The following ADAM2 variants were observed in gnomAD, a reference collection of about 807,000 sequenced individuals.
ADAM2 encodes disintegrin and metalloproteinase domain-containing protein 2.
ADAM2 carries 101 observed loss-of-function variants against 99.3 expected under a neutral mutation model. The ratio of observed to expected loss-of-function variants is 1.02; its 90% CI spans 0.87 to 1.20. The LOEUF (loss-of-function observed/expected upper bound fraction) is 1.20, where lower values mean the gene tolerates loss of function less well. Ranked by LOEUF, ADAM2 falls within the 50% of genes most tolerant of loss-of-function variation. The pLI is 0.00. For synonymous variants in ADAM2, 323 were observed against 287.6 expected (o/e 1.12, Z -1.25); for missense variants, 948 against 878.7 (o/e 1.08, Z -1.00).
chr8:39,824,691 A>G (rs1805329642), intron 4 of ADAM2, 128 bp downstream of exon 4: 2 of 657,462 alleles, frequency 3.0e-6, no homozygotes. Flanking sequence ...CATCATTAAC[A>G]GGAAAACATT....
chr8:39,829,804 T>G lies in ADAM2; in HGVS notation c.188+4140A>C, dbSNP rs150492965. ...GATGCTATACAGTAATAAAAATGAA[T>G]AGCTTGGAATTACTTGCGACAACAT... is the stretch of plus-strand genomic sequence containing the variant. On this transcript the variant is annotated intron_variant, in intron 3 of 20. Transcript: ENST00000265708. Among the ~76,000 whole-genome samples, 480 of 152,100 alleles carry G rather than the reference T, an allele frequency of 3.2e-3. 3 individuals are homozygous for G. Among genetic ancestry groups the G allele is most frequent in the African/African-American group, 0.011 (466 of 41,528 alleles).
At chr8:39,794,102 G>T (rs905939783) in intron 7 of ADAM2, among the ~76,000 whole-genome samples, 1 of 152,108 alleles carries the variant, frequency 6.6e-6, no homozygotes, top group Non-Finnish European at 1.5e-5. Context: ...AGTGAGTTTT[G>T]TGTGTTACTG....
In ADAM2 at chr8:39,820,238, T is replaced by A. The variant is rs75628446; in HGVS notation, c.513+764A>T. 7.3e-3 allele frequency among the ~76,000 whole-genome samples: 1,119 copies of A among 152,284 alleles called. 15 individuals carry two copies. Among genetic ancestry groups the A allele is most frequent in the East Asian group, 0.063 (328 of 5,182 alleles). On this transcript the variant is annotated intron_variant, in intron 6 of 20. Transcript: ENST00000265708. ...ATAAGCCAAAGTATTTGAATTACCA[T>A]CTCAAGTGATGCATAAATTATCCAA...
At chr8:39,827,392 C>T (rs1473381674) in intron 3 of ADAM2, among the ~76,000 whole-genome samples, 1 of 151,942 alleles carries the variant, frequency 6.6e-6, no homozygotes, top group Non-Finnish European at 1.5e-5. Flanking sequence ...GGCATATATC[C>T]AAAGCAAATA....
chr8:39,748,887 C>T (rs1040580190), intron 18 of ADAM2, among the ~76,000 whole-genome samples: 1 of 152,116 alleles, frequency 6.6e-6, no homozygotes, highest in Admixed American at 6.6e-5. Context: ...CTATACATCC[C>T]TGACCATAGT....
At position 39,821,572 on chromosome 8, in the gene ADAM2, C is replaced by T; in HGVS notation, c.344+14G>A. 1 of 1,533,308 alleles carries T rather than the reference C, an allele frequency of 6.5e-7. No individual in the cohort carries two copies. Among genetic ancestry groups the T allele is most frequent in the Non-Finnish European group, 9.0e-7 (1 of 1,111,256 alleles). The allele number at this position is 1,533,308 out of a possible 1,614,324, so 95.0% of individuals were successfully genotyped here. On this transcript the variant is annotated intron_variant, in intron 5 of 20. Coordinates refer to ENST00000265708, the MANE Select transcript of ADAM2 (RefSeq NM_001464.5). ...ATATTTTATTTTGTAATTCATAAAA[C>T]AGTAAATTACAACCTGAGTCCAGTA... is the stretch of plus-strand genomic sequence containing the variant.
At chr8:39,801,968 C>T (rs934680236) in intron 7 of ADAM2, among the ~76,000 whole-genome samples, 5 of 152,144 alleles carry the variant, frequency 3.3e-5, no homozygotes, top group African/African-American at 7.2e-5. Flanking sequence ...GGCTGCTGCC[C>T]CTCCCCCAAG....
At chr8:39,815,714 G>A (rs918797538) in intron 6 of ADAM2, among the ~76,000 whole-genome samples, 1 of 152,038 alleles carries the variant, frequency 6.6e-6, no homozygotes, top group African/African-American at 2.4e-5. Flanking sequence ...AAATACAGCA[G>A]AAAGAATATT....
At chr8:39,750,186 A>G (rs534944861) in intron 16 of ADAM2, among the ~76,000 whole-genome samples, 1 of 152,296 alleles carries the variant, frequency 6.6e-6, no homozygotes, top group South Asian at 2.1e-4. Flanking sequence ...TTATAAAAAA[A>G]GAAGTAATAT....
At chr8:39,784,505 A>G (rs921289286) in intron 10 of ADAM2, among the ~76,000 whole-genome samples, 1 of 152,094 alleles carries the variant, frequency 6.6e-6, no homozygotes, top group Non-Finnish European at 1.5e-5. Flanking sequence ...CTCAGTTAGG[A>G]CTACAGGGGC....
Position 39,749,587 on chromosome 8 carries a change from G to A in ADAM2, c.1875+80C>T, listed in dbSNP as rs432103. On this transcript the variant is annotated intron_variant, in intron 17 of 20. Coordinates refer to ENST00000265708, the MANE Select transcript of ADAM2 (RefSeq NM_001464.5). Reference sequence around the variant, plus strand: ...TTGGTGTGTGTGTGTGTGTGTGTGCGTGTGTGTGTGTGTAGCAATGCAGTT... The same window carrying A: ...TTGGTGTGTGTGTGTGTGTGTGTGCATGTGTGTGTGTGTAGCAATGCAGTT... 723 of 445,708 alleles carry A rather than the reference G, an allele frequency of 1.6e-3. 3 individuals carry two copies. Among genetic ancestry groups the A allele is most frequent in the African/African-American group, 5.1e-3 (87 of 17,158 alleles). The allele number at this position is 445,708 out of a possible 1,614,324, so 27.6% of individuals were successfully genotyped here. A position where few individuals can be genotyped will look rare whatever the true frequency, so the allele number is the denominator to read the frequency against.
chr8:39,780,219 C>T (rs568324829), intron 10 of ADAM2, among the ~76,000 whole-genome samples: 46 of 152,166 alleles, frequency 3.0e-4, no homozygotes, highest in African/African-American at 1.1e-3. Flanking sequence ...TTCACTATCA[C>T]AAGAACAGCA....
At chr8:39,749,854 T>A (rs1429228351) in intron 16 of ADAM2, 110 bp from the exon 17 acceptor site, 2 of 730,146 alleles carry the variant, frequency 2.7e-6, no homozygotes. Flanking sequence ...AAAAGGGTAT[T>A]GATTTAGCAA....
chr8:39,833,833 G>A (rs926681009), intron 3 of ADAM2, 111 bp downstream of exon 3: 2 of 697,856 alleles, frequency 2.9e-6, no homozygotes, highest in Admixed American at 5.0e-5. Context: ...ATGAATGAAT[G>A]GCAAGAAGCT....
intron 6 of ADAM2, among the ~76,000 whole-genome samples, chr8:39,815,288 TGAAG>T (rs1360751986): frequency 6.6e-6 from 1 of 152,132 alleles, no homozygotes; most frequent in Admixed American, 6.5e-5. Context: ...GTTCGTATAA[TGAAG>T]GAACTGTAGA....
intron 6 of ADAM2, among the ~76,000 whole-genome samples, chr8:39,819,423 A>T (rs1485869082): frequency 6.6e-6 from 1 of 152,138 alleles, no homozygotes; most frequent in Non-Finnish European, 1.5e-5. Context: ...AAACATAAGA[A>T]TAAATGATGT....
At chr8:39,761,896 A>C (rs551363050) in intron 14 of ADAM2, among the ~76,000 whole-genome samples, 2 of 152,272 alleles carry the variant, frequency 1.3e-5, no homozygotes, top group East Asian at 3.9e-4. Flanking sequence ...CCTGTCTAAC[A>C]CAGTGAAACC....
At chr8:39,829,823 A>G (rs1805545995) in intron 3 of ADAM2, among the ~76,000 whole-genome samples, 1 of 152,118 alleles carries the variant, frequency 6.6e-6, no homozygotes, top group African/African-American at 2.4e-5. Flanking sequence ...ATTACTTGCG[A>G]CAACATTGAA....
chr8:39,789,974 A>G (rs1803634299), intron 7 of ADAM2, among the ~76,000 whole-genome samples: 2 of 151,932 alleles, frequency 1.3e-5, no homozygotes. Flanking sequence ...AATGTAAATC[A>G]AAACCACAAA....
Sources: allele counts gnomAD v4.1 joint callset (sites outside exome capture counted in the v4.1 genomes callset), GRCh38; gene constraint gnomAD v4.1.1; transcripts MANE v1.5; gene names NCBI Gene and HGNC (gene_info 2026-07-23, HGNC 2026-07-21).